The following KANK1 variants were observed in gnomAD, a reference collection of about 807,000 sequenced individuals.
KANK1 encodes KN motif and ankyrin repeat domain-containing protein 1.
In KANK1, 109 loss-of-function variants were observed where a neutral mutation model predicts 106.2. The observed-to-expected ratio is 1.03, with a 90% CI of 0.88 to 1.20. KANK1 has a LOEUF of 1.20. KANK1 is among the 50% of genes most tolerant of loss of function. The pLI is 0.00. For synonymous variants in KANK1, 873 were observed against 652.2 expected, an observed-to-expected ratio of 1.34 and a Z score of -5.16; for missense variants, 2,399 against 1,710.7, an observed-to-expected ratio of 1.40 and a Z score of -7.10.
chr9:541,030 G>T (rs989529795), intron 1 of KANK1, among the ~76,000 whole-genome samples: 2 of 151,890 alleles, frequency 1.3e-5, no homozygotes, highest in Non-Finnish European at 2.9e-5. Context: ...GTGTATTTGA[G>T]CTCTTTCTTC....
At chr9:623,143 T>A (rs1563878999) in intron 1 of KANK1, among the ~76,000 whole-genome samples, 1 of 151,770 alleles carries the variant, frequency 6.6e-6, no homozygotes, top group Non-Finnish European at 1.5e-5. Flanking sequence ...GGAGAGAATG[T>A]CTACAAACCA....
chr9:493,927 G>C lies in KANK1; in HGVS notation c.-362+20654G>C, dbSNP rs1390233969. On this transcript the variant is annotated intron_variant, in intron 3 of 15. Coordinates refer to the KANK1 transcript ENST00000382303. ...AGATGGAGTCTTGCTTTGTTGCCCAGGCTGGAGTGCAATGGTGCGATCTCG... is the reference window on the plus strand; with the variant it reads ...AGATGGAGTCTTGCTTTGTTGCCCACGCTGGAGTGCAATGGTGCGATCTCG... Among the ~76,000 whole-genome samples, 2 of 151,322 alleles carry C rather than the reference G, an allele frequency of 1.3e-5. 1 individual carries two copies.
intron 1 of KANK1, among the ~76,000 whole-genome samples, chr9:651,487 G>T (rs1187186011): frequency 6.6e-6 from 1 of 152,176 alleles, no homozygotes; most frequent in Non-Finnish European, 1.5e-5. Flanking sequence ...GCATCTGCAT[G>T]TGTTGGGTGT....
At chr9:591,635 A>G (rs1474944827) in intron 1 of KANK1, among the ~76,000 whole-genome samples, 1 of 151,730 alleles carries the variant, frequency 6.6e-6, no homozygotes, top group African/African-American at 2.4e-5. Context: ...GCGCACACAC[A>G]CACACTCTTT....
intron 3 of KANK1, among the ~76,000 whole-genome samples, 199 bp from the exon 4 acceptor site, chr9:729,852 G>A (rs575521203): frequency 6.6e-6 from 1 of 152,292 alleles, no homozygotes; most frequent in East Asian, 1.9e-4. Flanking sequence ...AAGAGGTGCT[G>A]TGGAGTTAGA....
intron 1 of KANK1, among the ~76,000 whole-genome samples, chr9:557,194 A>G (rs2061646187): frequency 6.6e-6 from 1 of 150,934 alleles, no homozygotes. Context: ...AAAGGAAAAA[A>G]AAAAAAAAAA....
intron 1 of KANK1, among the ~76,000 whole-genome samples, chr9:570,611 G>A (rs1245173966): frequency 6.6e-6 from 1 of 152,138 alleles, no homozygotes; most frequent in Non-Finnish European, 1.5e-5. Context: ...ATTCGATTAT[G>A]GAAACTGAGC....
intron 2 of KANK1, among the ~76,000 whole-genome samples, chr9:686,306 A>G (rs1818540734): frequency 6.6e-6 from 1 of 152,134 alleles, no homozygotes; most frequent in Non-Finnish European, 1.5e-5. Flanking sequence ...CACCACGAAT[A>G]TGTTTTTTGG....
intron 1 of KANK1, among the ~76,000 whole-genome samples, chr9:590,136 C>T (rs1237683044): frequency 6.6e-6 from 1 of 152,156 alleles, no homozygotes; most frequent in Non-Finnish European, 1.5e-5. Context: ...GTGCTCCTGT[C>T]TAGGTACCTT....
At chr9:658,636 A>G (rs1332844881) in intron 1 of KANK1, among the ~76,000 whole-genome samples, 3 of 151,878 alleles carry the variant, frequency 2.0e-5, no homozygotes, top group Non-Finnish European at 2.9e-5. Flanking sequence ...TTTAAGATTC[A>G]TTTGGAATTA....
Position 712,088 on chromosome 9 carries a change from C to G in KANK1, c.1322C>G (p.Thr441Arg). The change falls in exon 3 of 12, where the codon ACA becomes AGA. Residue 441 changes from threonine to arginine, a missense_variant. By Grantham distance (71) the Thr-to-Arg change is moderately conservative. Coordinates refer to ENST00000382297, the MANE Select transcript of KANK1 (RefSeq NM_015158.5). ...VEMRNCGVSV[T>R]EAMLGVMTEA... Reference sequence around the variant, plus strand: ...ATGAGAAATTGTGGGGTCAGCGTGACAGAGGCCATGCTTGGAGTGATGACT... The same window carrying G: ...ATGAGAAATTGTGGGGTCAGCGTGAGAGAGGCCATGCTTGGAGTGATGACT... The G allele has an allele frequency of 6.2e-7, 1 of 1,614,144 alleles. No homozygotes were observed. The highest frequency in any genetic ancestry group is 8.5e-7 in the Non-Finnish European group (1 of 1,180,042).
At chr9:479,556 T>C (rs1017550185) in intron 3 of KANK1, among the ~76,000 whole-genome samples, 1 of 152,244 alleles carries the variant, frequency 6.6e-6, no homozygotes, top group African/African-American at 2.4e-5. Flanking sequence ...ATTCAGCTGC[T>C]AAATGGCATT....
chr9:689,075 C>T (rs114973509), intron 2 of KANK1, among the ~76,000 whole-genome samples: 2,222 of 152,242 alleles, frequency 0.015, 54 homozygotes, highest in African/African-American at 0.051. Flanking sequence ...TTATTTAGTT[C>T]TGTGTCCCCC....
At chr9:542,592 A>G (rs1441345683) in intron 1 of KANK1, among the ~76,000 whole-genome samples, 1 of 152,200 alleles carries the variant, frequency 6.6e-6, no homozygotes, top group Non-Finnish European at 1.5e-5. Context: ...TCAAAGAGAT[A>G]CCTGTACTTC....
chr9:531,045 C>G (rs934263186), intron 1 of KANK1, among the ~76,000 whole-genome samples: 1 of 151,966 alleles, frequency 6.6e-6, no homozygotes, highest in African/African-American at 2.4e-5. Context: ...GTTTAGGGAC[C>G]TAGGCTGGTA....
chr9:685,986 G>T (rs1420220620), intron 2 of KANK1, among the ~76,000 whole-genome samples: 2 of 152,092 alleles, frequency 1.3e-5, no homozygotes, highest in Non-Finnish European at 2.9e-5. Flanking sequence ...AAGTGTTTCT[G>T]TACAGCAGGT....
intron 1 of KANK1, among the ~76,000 whole-genome samples, chr9:523,064 G>A (rs1240354850): frequency 1.3e-5 from 2 of 151,482 alleles, no homozygotes; most frequent in East Asian, 3.9e-4. Flanking sequence ...TTCTCTCATG[G>A]CTTTAAGTGT....
intron 1 of KANK1, among the ~76,000 whole-genome samples, chr9:559,690 A>G (rs1291140988): frequency 6.6e-6 from 1 of 152,244 alleles, no homozygotes; most frequent in South Asian, 2.1e-4. Context: ...TTTTTCAGAA[A>G]TGAAAAACAT....
At chr9:550,704 G>T (rs1419912595) in intron 1 of KANK1, among the ~76,000 whole-genome samples, 2 of 152,232 alleles carry the variant, frequency 1.3e-5, no homozygotes, top group Non-Finnish European at 2.9e-5. Flanking sequence ...AGCAGCCTAA[G>T]AAGATACACA....
Sources: gnomAD v4.1 joint callset for allele counts (sites outside exome capture counted in the v4.1 genomes callset) on GRCh38, gnomAD v4.1.1 for gene constraint, MANE v1.5 for transcripts, NCBI Gene and HGNC (gene_info 2026-07-23, HGNC 2026-07-21) for gene names.